NBPF12: variants seen among roughly 807,000 people sequenced by gnomAD.
NBPF12 encodes the protein NBPF family member NBPF12.
Under a neutral mutation model 146.4 loss-of-function variants are expected in NBPF12, and 115 were observed. That is an observed-to-expected ratio of 0.79 (90% CI 0.68 to 0.92). The LOEUF (loss-of-function observed/expected upper bound fraction) is 0.92, where lower values mean the gene tolerates loss of function less well. Ranked by LOEUF, NBPF12 falls within the 40% of genes least tolerant of loss-of-function variation. The pLI is 0.00. For synonymous variants in NBPF12, 385 were observed against 508.9 expected, an observed-to-expected ratio of 0.76 and a Z score of 3.28; for missense variants, 1,205 against 1,326.8, an observed-to-expected ratio of 0.91 and a Z score of 1.43.
chr1:146,957,901 ACACGTATG>A lies in NBPF12; in HGVS notation c.-183-1957_-183-1950del, dbSNP rs1655670192. The stretch of plus-strand genomic sequence containing the variant: ...ATATTATGTATATACACATATATAT[ACACGTATG>A]TATATACACGTATATAATATATATT... On this transcript the variant is annotated intron_variant, in intron 2 of 33. Coordinates refer to ENST00000617844, the Ensembl canonical transcript of NBPF12. Among the ~76,000 whole-genome samples, 609 of 108,456 alleles carry A rather than the reference ACACGTATG, an allele frequency of 5.6e-3. 29 individuals are homozygous for A. The highest frequency in any genetic ancestry group is 0.019 in the African/African-American group (577 of 30,930). The allele number at this position is 108,456 out of a possible 152,430, so 71.2% of individuals were successfully genotyped here.
At chr1:146,963,420 A>C (rs1351887547) in intron 6 of NBPF12, 111 bp downstream of exon 9, 32 of 1,598,858 alleles carry the variant, frequency 2.0e-5, no homozygotes, top group Admixed American at 1.0e-4. Flanking sequence ...TCTACTACAC[A>C]TATGTGGCCA....
At chr1:146,973,008 T>A (rs1656755100) in intron 14 of NBPF12, 48 bp downstream of exon 17, 1 of 851,600 alleles carries the variant, frequency 1.2e-6, no homozygotes, top group African/African-American at 1.7e-5. Flanking sequence ...CGAAGTCCTG[T>A]CTTCTCTCTG....
At chr1:146,963,543 A>G (rs1185341562) in intron 6 of NBPF12, among the ~76,000 whole-genome samples, 139 of 151,982 alleles carry the variant, frequency 9.1e-4, no homozygotes, top group East Asian at 6.6e-3. Context: ...TTTGGAGCAA[A>G]AGGCAGCATC....
exon 34 of NBPF12, chr1:146,995,839 G>C (rs1387187306): frequency 4.5e-4 from 68 of 150,238 alleles, no homozygotes; most frequent in Non-Finnish European, 8.4e-4. Flanking sequence ...ACTTGGGAAA[G>C]CGGTTTTCAA....
upstream of NBPF12, among the ~76,000 whole-genome samples, chr1:146,944,376 C>A (rs1654927905): frequency 6.9e-6 from 1 of 145,242 alleles, no homozygotes; most frequent in Middle Eastern, 3.3e-3. Flanking sequence ...ACGTGGCCAT[C>A]CACCAGGTCC....
At chr1:146,967,089 G>A (rs1463449713) in intron 9 of NBPF12, among the ~76,000 whole-genome samples, 1 of 151,140 alleles carries the variant, frequency 6.6e-6, no homozygotes, top group African/African-American at 2.5e-5. Flanking sequence ...AATACGCAAA[G>A]CTCTGTTCTA....
Position 146,971,980 on chromosome 1 carries a change from T to C in NBPF12, c.1591+586T>C, listed in dbSNP as rs1368217279. Among the ~76,000 whole-genome samples, 46 of 147,546 alleles carry C rather than the reference T, an allele frequency of 3.1e-4. 3 individuals are homozygous for C. Among genetic ancestry groups the C allele is most frequent in the African/African-American group, 8.5e-4 (33 of 38,880 alleles). ...TTGGGTGCCTGTAGTCTCAGCTACT[T>C]GGGAGGCTGAGGCAGGAGAATGGCA... is the stretch of plus-strand genomic sequence containing the variant. On this transcript the variant is annotated intron_variant, in intron 13 of 33. Coordinates refer to ENST00000617844, the Ensembl canonical transcript of NBPF12.
intron 33 of NBPF12, 113 bp from the exon 37 acceptor site, chr1:146,994,219 G>A (rs587625538): frequency 6.2e-7 from 1 of 1,602,628 alleles, no homozygotes; most frequent in Non-Finnish European, 8.5e-7. Flanking sequence ...CTCATTAATG[G>A]ATCTGTCCTT....
intron 21 of NBPF12, 39 bp downstream of exon 24, chr1:146,984,224 A>G: frequency 1.3e-6 from 1 of 773,508 alleles, no homozygotes; most frequent in South Asian, 1.4e-5. Flanking sequence ...TTTGATGTTG[A>G]CACCTGGAGA....
intron 6 of NBPF12, 119 bp downstream of exon 9, chr1:146,963,428 C>G (rs1252794541): frequency 6.3e-7 from 1 of 1,592,496 alleles, no homozygotes; most frequent in African/African-American, 1.3e-5. Flanking sequence ...ACATATGTGG[C>G]CATGACATGA....
At position 146,972,160 on chromosome 1, in the gene NBPF12, G is replaced by A. The variant is rs71271422; in HGVS notation, c.1592-591G>A. The stretch of plus-strand genomic sequence containing the variant: ...TCTTAATCCCAGCACTTTGGGAGGC[G>A]GAGGTAGGTGGAACACCTGAGGTCA... On this transcript the variant is annotated intron_variant, in intron 13 of 33. Coordinates refer to ENST00000617844, the Ensembl canonical transcript of NBPF12. Among the ~76,000 whole-genome samples the A allele has an allele frequency of 2.2e-4, 32 of 147,896 alleles. 1 individual carries two copies. The highest frequency in any genetic ancestry group is 1.2e-3 in the East Asian group (6 of 5,030).
chr1:146,946,972 A>T (rs1435351632), upstream of NBPF12, among the ~76,000 whole-genome samples: 1 of 151,954 alleles, frequency 6.6e-6, no homozygotes, highest in Non-Finnish European at 1.5e-5. Context: ...GCTCCATGGA[A>T]GATCAGTGGA....
chr1:146,939,110 T>TGCCGGGCTCCGCAGGGCTCC (rs1160373567), intron 1 of NBPF12, 98 bp downstream of exon 1: 3 of 152,142 alleles, frequency 2.0e-5, no homozygotes, highest in Admixed American at 6.5e-5. Context: ...CGCCGGGCAC[T>TGCCGGGCTCCGCAGGGCTCC]GCCGGGCTCC....
chr1:146,984,656 A>C (rs1553888396), intron 21 of NBPF12, among the ~76,000 whole-genome samples, 157 bp from the exon 25 acceptor site: 1 of 138,348 alleles, frequency 7.2e-6, no homozygotes, highest in East Asian at 2.1e-4. Context: ...ACCTGGCCCT[A>C]GTCTATCACA....
exon 20 of NBPF12, chr1:146,983,089 G>A: frequency 2.5e-6 from 4 of 1,576,934 alleles, no homozygotes; most frequent in South Asian, 1.1e-5. Context: ...GTTGACATAG[G>A]CAGTGAGTAC....
At chr1:146,975,014 T>G (rs1349962921) in intron 15 of NBPF12, among the ~76,000 whole-genome samples, 173 bp downstream of exon 18, 8 of 112,698 alleles carry the variant, frequency 7.1e-5, no homozygotes, top group African/African-American at 3.1e-4. Context: ...TAATAAAAAT[T>G]TATGGGTTGC....
chr1:146,950,494 A>G (rs1339040740), intron 1 of NBPF12, among the ~76,000 whole-genome samples: 2 of 151,592 alleles, frequency 1.3e-5, no homozygotes, highest in African/African-American at 4.9e-5. Context: ...AGCTGGGCAA[A>G]ATCCAGCAGG....
exon 34 of NBPF12, chr1:146,994,612 G>C (rs782006024): frequency 1.3e-6 from 2 of 1,587,738 alleles, no homozygotes; most frequent in Non-Finnish European, 1.7e-6. Flanking sequence ...CATTCCTGCA[G>C]GCAGGACCTA....
intron 20 of NBPF12, 107 bp from the exon 24 acceptor site, chr1:146,984,027 C>A (rs1657550533): frequency 1.4e-6 from 1 of 709,920 alleles, no homozygotes; most frequent in Non-Finnish European, 2.5e-6. Context: ...CTCCTGTTCT[C>A]ACACTGACAA....
Sources: gnomAD v4.1 joint callset for allele counts (sites outside exome capture counted in the v4.1 genomes callset) on GRCh38, gnomAD v4.1.1 for gene constraint, MANE v1.5 for transcripts, NCBI Gene and HGNC (gene_info 2026-07-23, HGNC 2026-07-21) for gene names.